CCDC88A: variants seen among roughly 807,000 people sequenced by gnomAD.
CCDC88A encodes the protein girdin.
In CCDC88A, 54 loss-of-function variants were observed where a neutral mutation model predicts 234.3. That is an observed-to-expected ratio of 0.23 (90% CI 0.19 to 0.29). CCDC88A has a LOEUF of 0.29. Among genes scored for constraint, CCDC88A ranks in the 10% least tolerant of loss-of-function variants. The pLI, the probability that CCDC88A is intolerant of heterozygous loss-of-function variation, is 1.00. For synonymous variants in CCDC88A, 753 were observed against 737.8 expected (o/e 1.02, Z -0.33); for missense variants, 1,832 against 2,123.4 (o/e 0.86, Z 2.70).
intron 5 of CCDC88A, among the ~76,000 whole-genome samples, chr2:55,370,773 C>G (rs1412941544): frequency 6.6e-6 from 1 of 150,528 alleles, no homozygotes; most frequent in Non-Finnish European, 1.5e-5. Flanking sequence ...TTTGGGAGGC[C>G]GAGGCAGGAA....
At chr2:55,393,300 T>TTTG (rs945549243) in intron 2 of CCDC88A, among the ~76,000 whole-genome samples, 1 of 131,352 alleles carries the variant, frequency 7.6e-6, no homozygotes, top group African/African-American at 2.9e-5. Context: ...TTTTTTTTTT[T>TTTG]TTTTTTTTTT....
At chr2:55,322,824 T>A in intron 17 of CCDC88A, 132 bp from the exon 18 acceptor site, 1 of 467,942 alleles carries the variant, frequency 2.1e-6, no homozygotes, top group Non-Finnish European at 3.8e-6. Flanking sequence ...ATGAATAATA[T>A]GTATGATTTA....
intron 2 of CCDC88A, 69 bp downstream of exon 2, chr2:55,418,747 C>A: frequency 8.1e-7 from 1 of 1,232,090 alleles, no homozygotes; most frequent in Non-Finnish European, 1.2e-6. Flanking sequence ...CTTAAAACAT[C>A]GTGTCTCAAA....
chr2:55,410,170 A>G (rs1299369059), intron 2 of CCDC88A, among the ~76,000 whole-genome samples: 2 of 152,144 alleles, frequency 1.3e-5, no homozygotes, highest in African/African-American at 2.4e-5. Flanking sequence ...AGACTGTGCT[A>G]CACTTGTGTA....
At position 55,334,559 on chromosome 2, in the gene CCDC88A, T is replaced by G. The variant is rs755232803; in HGVS notation, c.2262A>C (p.Leu754Phe). 4 of 1,613,010 alleles carry G rather than the reference T, an allele frequency of 2.5e-6. No individual in the cohort carries two copies. In the East Asian group the frequency reaches 8.9e-5, roughly 36 times the overall value. ...TATCTAAACCCTGGTAGCTAACTTCTAAGCGTTCTGTTTTCTTGAAAGATG... is the reference window on the plus strand; with the variant it reads ...TATCTAAACCCTGGTAGCTAACTTCGAAGCGTTCTGTTTTCTTGAAAGATG... ...LKASFKKTER[L>F]EVSYQGLDIE... Residue 754 changes from leucine (L) to phenylalanine (F), a missense_variant, in exon 15 of 33, where the codon TTA becomes TTC. Coordinates refer to ENST00000436346, the MANE Select transcript of CCDC88A (RefSeq NM_001365480.1). The surrounding 1 kb of genome is among the most constrained non-coding windows in gnomAD (Gnocchi z 6.1).
At chr2:55,337,840 G>A (rs921153586) in intron 13 of CCDC88A, among the ~76,000 whole-genome samples, 3 of 151,676 alleles carry the variant, frequency 2.0e-5, no homozygotes, top group Admixed American at 6.6e-5. Flanking sequence ...ACCCTAGCTC[G>A]AAATACTACT....
rs377022377 is a variant in CCDC88A, at chr2:55,390,053, A to AAAAAAAAAAAAAAAAAAAAAAAAAG, written c.165-1168_165-1167insCTTTTTTTTTTTTTTTTTTTTTTTT. Among the ~76,000 whole-genome samples, 170 of 79,688 alleles carry AAAAAAAAAAAAAAAAAAAAAAAAAG rather than the reference A, an allele frequency of 2.1e-3. 34 individuals are homozygous for AAAAAAAAAAAAAAAAAAAAAAAAAG. Among genetic ancestry groups the AAAAAAAAAAAAAAAAAAAAAAAAAG allele is most frequent in the East Asian group, 8.2e-3 (15 of 1,828 alleles). The allele number at this position is 79,688 out of a possible 152,430, so 52.3% of individuals were successfully genotyped here. On this transcript the variant is annotated intron_variant, in intron 2 of 32. Coordinates refer to ENST00000436346, the MANE Select transcript of CCDC88A (RefSeq NM_001365480.1). ...GAGACTCAAAAAAAAAAAAAAATAA[A>AAAAAAAAAAAAAAAAAAAAAAAAAG]AAATAAAGATAGAACATTTCAAAGT... is the stretch of plus-strand genomic sequence containing the variant.
intron 2 of CCDC88A, chr2:55,418,368 T>C (rs905164317): frequency 2.5e-5 from 4 of 162,136 alleles, no homozygotes; most frequent in Admixed American, 2.4e-4. Context: ...TCTTCTGAAA[T>C]CTGCTATTAC....
chr2:55,294,384 T>C, intron 31 of CCDC88A: 1 of 962,762 alleles, frequency 1.0e-6, no homozygotes, highest in Non-Finnish European at 1.2e-6. Context: ...TTTGATGGGG[T>C]TTTCTAAGAA....
chr2:55,324,446 A>T (rs773863863), intron 17 of CCDC88A: 2 of 152,190 alleles, frequency 1.3e-5, no homozygotes, highest in Non-Finnish European at 2.9e-5. Flanking sequence ...CACAAATATG[A>T]TCACAGTATA....
Position 55,402,362 on chromosome 2 carries a change from T to C in CCDC88A, c.165-13476A>G, listed in dbSNP as rs74787712. Among the ~76,000 whole-genome samples, 492 of 152,304 alleles carry C rather than the reference T, an allele frequency of 3.2e-3. 2 individuals carry two copies. Among genetic ancestry groups the C allele is most frequent in the African/African-American group, 8.0e-3 (334 of 41,568 alleles). On this transcript the variant is annotated intron_variant, in intron 2 of 32. Coordinates refer to ENST00000436346, the MANE Select transcript of CCDC88A (RefSeq NM_001365480.1). The stretch of plus-strand genomic sequence containing the variant: ...TTCTGCATTCGGTGGTTGTGATACA[T>C]TGTTTTGCTTTAAGTATAAGAAATA...
At chr2:55,295,189 G>C in intron 31 of CCDC88A, 1 of 1,313,266 alleles carries the variant, frequency 7.6e-7, no homozygotes, top group Non-Finnish European at 1.0e-6. Flanking sequence ...GAAAACTGTA[G>C]GTTACTGTTA....
chr2:55,373,870 T>C (rs1673203930), intron 4 of CCDC88A, among the ~76,000 whole-genome samples: 1 of 152,150 alleles, frequency 6.6e-6, no homozygotes, highest in African/African-American at 2.4e-5. Flanking sequence ...CTGAAGAAAA[T>C]ACACTAATTT....
At chr2:55,404,996 T>A (rs1679311382) in intron 2 of CCDC88A, 1 of 152,322 alleles carries the variant, frequency 6.6e-6, no homozygotes, top group African/African-American at 2.4e-5. Context: ...CCCAAAGTTC[T>A]GGGATTACAG....
Position 55,334,605 on chromosome 2 carries a change from T to C in CCDC88A, c.2216A>G (p.Lys739Arg). Residue 739 changes from lysine (K) to arginine (R), a missense_variant, in exon 15 of 33, where the codon AAG becomes AGG. By Grantham distance (26) the Lys-to-Arg change is conservative. Coordinates refer to ENST00000436346, the MANE Select transcript of CCDC88A (RefSeq NM_001365480.1). The surrounding 1 kb of genome is among the most constrained non-coding windows in gnomAD (Gnocchi z 6.1). ...ELESEKEQLK[K>R]GLELLKASFK... Reference sequence around the variant, plus strand: ...AGATGCTTTCAGGAGCTCCAAACCCTTCTTAAGTTGCTCTTTTTCACTTTC... The same window carrying C: ...AGATGCTTTCAGGAGCTCCAAACCCCTCTTAAGTTGCTCTTTTTCACTTTC... 1 of 1,613,650 alleles carries C rather than the reference T, an allele frequency of 6.2e-7. No homozygotes were observed. The highest frequency in any genetic ancestry group is 1.1e-5 in the South Asian group (1 of 91,066).
rs1262914627 is a variant in CCDC88A at position 55,367,525 on chromosome 2, C to CTTTTTTTTTTTTTTTTTTTTTTTTTTTT, written c.403-3493_403-3492insAAAAAAAAAAAAAAAAAAAAAAAAAAAA. 1.4e-3 allele frequency among the ~76,000 whole-genome samples: 46 copies of CTTTTTTTTTTTTTTTTTTTTTTTTTTTT among 33,566 alleles called. 1 individual carries two copies. The highest frequency in any genetic ancestry group is 4.4e-3 in the African/African-American group (18 of 4,096). 22.0% of individuals were successfully genotyped at this position (33,566 alleles called of 152,430 possible). A position where few individuals can be genotyped will look rare whatever the true frequency, so the allele number is the denominator to read the frequency against. ...GCCTTGCTAGAAATTGTTTTATTTC[C>CTTTTTTTTTTTTTTTTTTTTTTTTTTTT]TTGTTTTTTTTTAAGAGACTGGGTC... On this transcript the variant is annotated intron_variant, in intron 5 of 32. Transcript: ENST00000436346.
chr2:55,345,183 A>C (rs1668944579), intron 10 of CCDC88A, among the ~76,000 whole-genome samples: 1 of 152,174 alleles, frequency 6.6e-6, no homozygotes, highest in Admixed American at 6.5e-5. Flanking sequence ...GTCTTTAAAT[A>C]ACTGGCAAAT....
At chr2:55,361,696 C>A (rs1272578366) in intron 7 of CCDC88A, among the ~76,000 whole-genome samples, 2 of 152,204 alleles carry the variant, frequency 1.3e-5, no homozygotes, top group South Asian at 2.1e-4. Flanking sequence ...TTACCCACCA[C>A]CACACGCACT....
Position 55,388,702 on chromosome 2 carries a change from G to A in CCDC88A, c.273+76C>T. 7.7e-6 allele frequency: 5 copies of A among 646,276 alleles called. 1 individual carries two copies. The South Asian group carries it at 9.3e-5, about 12-fold the overall frequency. 40.0% of individuals were successfully genotyped at this position (646,276 alleles called of 1,614,324 possible). A position where few individuals can be genotyped will look rare whatever the true frequency, so the allele number is the denominator to read the frequency against. ...GCATATAATAAGCGTTTAAATATTTGTGAGATGACTGATACTAAATAATAC... is the reference window on the plus strand; with the variant it reads ...GCATATAATAAGCGTTTAAATATTTATGAGATGACTGATACTAAATAATAC... On this transcript the variant is annotated intron_variant, in intron 3 of 32. Coordinates refer to ENST00000436346, the MANE Select transcript of CCDC88A (RefSeq NM_001365480.1).
Sources: allele counts gnomAD v4.1 joint callset (sites outside exome capture counted in the v4.1 genomes callset), GRCh38; gene constraint gnomAD v4.1.1; non-coding constraint Gnocchi (gnomAD v3.1); transcripts MANE v1.5; gene names NCBI Gene and HGNC (gene_info 2026-07-23, HGNC 2026-07-21).